Variants in RPRD1A observed in about 807,000 individuals in gnomAD.
The protein encoded by RPRD1A is regulation of nuclear pre-mRNA domain-containing protein 1A.
In RPRD1A, 9 loss-of-function variants were observed where a neutral mutation model predicts 37.8. The ratio of observed to expected loss-of-function variants is 0.24; its 90% CI spans 0.14 to 0.42. The LOEUF (loss-of-function observed/expected upper bound fraction) is 0.42. RPRD1A is among the 10% of genes least tolerant of loss of function. RPRD1A has a pLI of 1.00. For missense variants in RPRD1A, 255 were observed against 371.0 expected (o/e 0.69, Z 2.57); for synonymous variants, 138 against 139.7 (o/e 0.99, Z 0.08).
chr18:35,994,261 G>C (rs918969093), intron 6 of RPRD1A, among the ~76,000 whole-genome samples: 3 of 152,166 alleles, frequency 2.0e-5, no homozygotes, highest in Non-Finnish European at 4.4e-5. Flanking sequence ...TGTGGTCACA[G>C]GTAAGTCCTG....
At chr18:36,026,267 A>C (rs1474605876) in intron 6 of RPRD1A, 1 of 152,350 alleles carries the variant, frequency 6.6e-6, no homozygotes, top group Non-Finnish European at 1.5e-5. Flanking sequence ...TCATCAACTG[A>C]AAGATTTTTT....
rs142517706 is a variant in RPRD1A at position 36,048,293 on chromosome 18, C to T, written c.152-14456G>A. On this transcript the variant is annotated intron_variant, in intron 1 of 6. Coordinates refer to ENST00000399022, the MANE Select transcript of RPRD1A (RefSeq NM_018170.5). ...GTTGGTCAGGTGGGTCTCAAACTCC[C>T]GACCTCAGGTGATCCACCCATCTCA... 3.7e-3 allele frequency among the ~76,000 whole-genome samples: 569 copies of T among 152,058 alleles called. 2 individuals are homozygous for T. The highest frequency in any genetic ancestry group is 0.013 in the African/African-American group (553 of 41,468).
chr18:36,046,728 C>G (rs1368600889), intron 1 of RPRD1A, among the ~76,000 whole-genome samples: 1 of 149,592 alleles, frequency 6.7e-6, no homozygotes, highest in Non-Finnish European at 1.5e-5. Flanking sequence ...CCCAGGTATT[C>G]AGGAGGCTGA....
chr18:36,025,652 G>A lies in RPRD1A; in HGVS notation c.789+1248C>T, dbSNP rs768243230. 48 of 1,288,284 alleles carry A rather than the reference G, an allele frequency of 3.7e-5. 1 individual carries two copies. The highest frequency in any genetic ancestry group is 2.7e-4 in the South Asian group (22 of 80,848). 79.8% of individuals were successfully genotyped at this position (1,288,284 alleles called of 1,614,324 possible). On this transcript the variant is annotated intron_variant, in intron 6 of 6. Coordinates refer to ENST00000399022, the MANE Select transcript of RPRD1A (RefSeq NM_018170.5). ...AGAATATACTAATGGTGACGACATC[G>A]TTAGAAGATACGCCCATGTCCAATA...
chr18:35,993,489 G>GA (rs1316711637), intron 6 of RPRD1A, among the ~76,000 whole-genome samples, 189 bp from the exon 7 acceptor site: 1 of 152,154 alleles, frequency 6.6e-6, no homozygotes, highest in Non-Finnish European at 1.5e-5. Flanking sequence ...TTATTATTAA[G>GA]AAAAACCACA....
Position 35,993,183 on chromosome 18 carries a change from G to A in RPRD1A, c.907C>T (p.Pro303Ser), listed in dbSNP as rs1056979561. The change falls in exon 7 of 7, where the codon CCC becomes TCC. Residue 303 changes from proline to serine, a missense_variant. Around this residue, in one of 2 missense-constraint regions of RPRD1A, gnomAD observed 211 missense variants for 268.9 expected, o/e 0.78. Transcript: ENST00000399022. ...PNVTGSHMHL[P>S]FAGDIYSED is the part of the protein sequence containing the mutation. ...TCACTGTAGATGTCTCCCGCAAAGG[G>A]CAGGTGCATGTGGCTGCCAGTGACA... 1.3e-5 allele frequency: 21 copies of A among 1,614,040 alleles called. No individual in the cohort carries two copies. Among genetic ancestry groups the A allele is most frequent in the Non-Finnish European group, 1.7e-5 (20 of 1,180,024 alleles).
Position 36,016,348 on chromosome 18 carries a change from G to A in RPRD1A, c.789+10552C>T, listed in dbSNP as rs548152155. 1.8e-4 allele frequency among the ~76,000 whole-genome samples: 28 copies of A among 152,152 alleles called. No homozygotes were observed. The South Asian group carries it at 5.8e-3, about 32-fold the overall frequency. Reference sequence around the variant, plus strand: ...AGCGATTCTCCTGTCTTAGCCTCCCGAGCAGCTAGGATTACAGTTGCCTGC... The same window carrying A: ...AGCGATTCTCCTGTCTTAGCCTCCCAAGCAGCTAGGATTACAGTTGCCTGC... On this transcript the variant is annotated intron_variant, in intron 6 of 6. Transcript: ENST00000399022.
At chr18:36,009,407 A>G (rs1910028914) in intron 6 of RPRD1A, among the ~76,000 whole-genome samples, 2 of 152,166 alleles carry the variant, frequency 1.3e-5, no homozygotes, top group African/African-American at 4.8e-5. Context: ...ACTGCAATGG[A>G]GTCACTGTGT....
At chr18:36,009,910 A>G (rs1414909116) in intron 6 of RPRD1A, among the ~76,000 whole-genome samples, 8 of 151,480 alleles carry the variant, frequency 5.3e-5, no homozygotes, top group Non-Finnish European at 8.8e-5. Flanking sequence ...CACCCTCTCA[A>G]CCCCTGCATT....
chr18:36,010,175 A>G (rs186698169), intron 6 of RPRD1A, among the ~76,000 whole-genome samples: 1 of 152,210 alleles, frequency 6.6e-6, no homozygotes, highest in Admixed American at 6.5e-5. Context: ...ATTCTAGGAA[A>G]AGCTGAAGAT....
chr18:36,032,567 G>A (rs1250474067), intron 2 of RPRD1A, among the ~76,000 whole-genome samples: 2 of 152,254 alleles, frequency 1.3e-5, no homozygotes, highest in East Asian at 1.9e-4. Context: ...CTGCAACTCT[G>A]TCGAGTTTTC....
intron 6 of RPRD1A, chr18:36,024,800 T>TG (rs1368732391): frequency 6.6e-6 from 1 of 152,190 alleles, no homozygotes; most frequent in Non-Finnish European, 1.5e-5. Flanking sequence ...GCCACCTACT[T>TG]GGTACAAAAA....
chr18:36,025,291 G>C (rs959507104), intron 6 of RPRD1A: 2 of 217,712 alleles, frequency 9.2e-6, no homozygotes, highest in African/African-American at 4.6e-5. Flanking sequence ...ACATCCTGCT[G>C]TGTAAGATTA....
At chr18:36,012,340 A>G (rs1190303683) in intron 6 of RPRD1A, among the ~76,000 whole-genome samples, 7 of 152,216 alleles carry the variant, frequency 4.6e-5, no homozygotes, top group Non-Finnish European at 1.0e-4. Flanking sequence ...TGACTTCGTT[A>G]CCGGTTTATG....
chr18:36,001,544 C>T (rs1443856833), intron 6 of RPRD1A, among the ~76,000 whole-genome samples: 1 of 152,144 alleles, frequency 6.6e-6, no homozygotes, highest in African/African-American at 2.4e-5. Flanking sequence ...TTGGGTGTTC[C>T]ATGAAACATC....
chr18:36,054,628 A>G (rs564122029), intron 1 of RPRD1A, among the ~76,000 whole-genome samples: 17 of 152,298 alleles, frequency 1.1e-4, no homozygotes, highest in African/African-American at 4.1e-4. Context: ...TTGACTGATA[A>G]TAAGGAATTG....
rs1908687868 is a variant in RPRD1A at position 35,990,965 on chromosome 18, C to T, written c.*2186G>A. On this transcript the variant is annotated 3_prime_UTR_variant, in exon 7 of 7. Coordinates refer to ENST00000399022, the MANE Select transcript of RPRD1A (RefSeq NM_018170.5). Reference sequence around the variant, plus strand: ...GGGGTGGGATTCAGGTTTTTGAGTACTATCACTTATCACAAATCTCATCAA... The same window carrying T: ...GGGGTGGGATTCAGGTTTTTGAGTATTATCACTTATCACAAATCTCATCAA... 1 of 152,066 alleles carries T rather than the reference C, an allele frequency of 6.6e-6. No homozygotes were observed. Among genetic ancestry groups the T allele is most frequent in the Admixed American group, 6.6e-5 (1 of 15,262 alleles). The allele number at this position is 152,066 out of a possible 1,614,324, so 9.4% of individuals were successfully genotyped here.
chr18:36,009,458 A>G (rs1402297219), intron 6 of RPRD1A, among the ~76,000 whole-genome samples: 1 of 152,206 alleles, frequency 6.6e-6, no homozygotes, highest in African/African-American at 2.4e-5. Flanking sequence ...CACTTCTGAC[A>G]TGGAACGTTT....
At chr18:36,036,159 GA>G (rs1257728474) in intron 1 of RPRD1A, among the ~76,000 whole-genome samples, 23 of 151,614 alleles carry the variant, frequency 1.5e-4, no homozygotes, top group African/African-American at 5.6e-4. Context: ...CTGCAGCCTC[GA>G]CCTCCTGGGC....
Sources: allele counts gnomAD v4.1 joint callset (sites outside exome capture counted in the v4.1 genomes callset), GRCh38; gene constraint gnomAD v4.1.1; regional missense constraint gnomAD v4.1.1; transcripts MANE v1.5; gene names NCBI Gene and HGNC (gene_info 2026-07-23, HGNC 2026-07-21).